The following CEP104 variants were observed in gnomAD, a reference collection of about 807,000 sequenced individuals.
CEP104 encodes centrosomal protein of 104 kDa.
A neutral mutation model predicts 113.3 loss-of-function variants in CEP104; 84 were observed. The observed-to-expected ratio is 0.74, with a 90% CI of 0.62 to 0.89. The LOEUF is 0.89. Ranked by LOEUF, CEP104 falls within the 40% of genes least tolerant of loss-of-function variation. CEP104 has a pLI of 0.00. For missense variants in CEP104, 1,053 were observed against 1,156.6 expected, an observed-to-expected ratio of 0.91 and a Z score of 1.30; for synonymous variants, 378 against 421.7, an observed-to-expected ratio of 0.90 and a Z score of 1.27.
At position 3,831,369 on chromosome 1, in the gene CEP104, C is replaced by T. The variant is rs535667095; in HGVS notation, c.1660-147G>A. 7 of 593,450 alleles carry T rather than the reference C, an allele frequency of 1.2e-5. No individual in the cohort carries two copies. In the South Asian group the frequency reaches 2.0e-4, roughly 17 times the overall value. The allele number at this position is 593,450 out of a possible 1,614,324, so 36.8% of individuals were successfully genotyped here. On this transcript the variant is annotated intron_variant, in intron 12 of 21. Coordinates refer to ENST00000378230, the MANE Select transcript of CEP104 (RefSeq NM_014704.4). ...GACAAGGAGCAATGAGAGCACTGAT[C>T]CGTAAGCTTGTATTTCTATTTAAAG...
chr1:3,832,987 CTTTT>C (rs70940330), intron 12 of CEP104, among the ~76,000 whole-genome samples: 2 of 140,228 alleles, frequency 1.4e-5, no homozygotes, highest in Non-Finnish European at 1.5e-5. Flanking sequence ...GGCCTGGATT[CTTTT>C]TTTTTTTTTT....
intron 11 of CEP104, 32 bp downstream of exon 11, chr1:3,834,893 C>A: frequency 1.3e-6 from 2 of 1,551,784 alleles, no homozygotes; most frequent in Non-Finnish European, 1.7e-6. Flanking sequence ...CATCCATGCA[C>A]GCTGGAGCCA....
chr1:3,852,210 G>A, intron 2 of CEP104, 85 bp downstream of exon 2: 1 of 1,302,342 alleles, frequency 7.7e-7, no homozygotes, highest in Non-Finnish European at 1.0e-6. Flanking sequence ...TAAAATCTGA[G>A]GCTCTGAATG....
intron 2 of CEP104, among the ~76,000 whole-genome samples, chr1:3,851,251 C>T (rs984033004): frequency 1.3e-5 from 2 of 152,156 alleles, no homozygotes; most frequent in African/African-American, 4.8e-5. Flanking sequence ...TCAGAACTCA[C>T]TTCCGGGAAA....
At chr1:3,822,307 G>A (rs1289313661) in intron 20 of CEP104, among the ~76,000 whole-genome samples, 1 of 152,210 alleles carries the variant, frequency 6.6e-6, no homozygotes, top group Admixed American at 6.5e-5. Context: ...CGCTGAGAGC[G>A]GCTGGGGGCT....
In CEP104 at chr1:3,833,856, T is replaced by G; in HGVS notation, c.1659+6A>C. On this transcript the variant is annotated splice_donor_region_variant and intron_variant, in intron 12 of 21. Transcript: ENST00000378230. ...ACGGTTTCAAATGCCGTGGTGAAGT[T>G]CAGACCTGAATAAAATTTGCAGCTG... The G allele has an allele frequency of 6.2e-7, 1 of 1,614,186 alleles. No individual in the cohort carries two copies. Among genetic ancestry groups the G allele is most frequent in the African/African-American group, 1.3e-5 (1 of 75,072 alleles).
chr1:3,840,990 T>C (rs1350296368), intron 6 of CEP104, among the ~76,000 whole-genome samples: 6 of 152,244 alleles, frequency 3.9e-5, no homozygotes, highest in Non-Finnish European at 8.8e-5. Flanking sequence ...TGTAGTCACC[T>C]GAATAGCTCA....
chr1:3,826,632 G>T (rs996472486), intron 16 of CEP104, 76 bp downstream of exon 16: 2 of 1,524,456 alleles, frequency 1.3e-6, no homozygotes, highest in Non-Finnish European at 1.8e-6. Flanking sequence ...CCCACATGGA[G>T]CTTCCATGAC....
intron 2 of CEP104, among the ~76,000 whole-genome samples, chr1:3,850,036 C>G (rs1290198404): frequency 2.6e-5 from 4 of 152,210 alleles, no homozygotes; most frequent in Non-Finnish European, 4.4e-5. Context: ...ACGTGCTGTA[C>G]AGGTTTGCAG....
At chr1:3,830,910 G>A (rs1047845839) in intron 13 of CEP104, 136 bp downstream of exon 13, 4 of 914,392 alleles carry the variant, frequency 4.4e-6, no homozygotes, top group East Asian at 2.7e-5. Context: ...CCATTTGTTG[G>A]ATGAAACACT....
chr1:3,849,779 C>A (rs1020916616), intron 2 of CEP104, among the ~76,000 whole-genome samples: 1 of 151,428 alleles, frequency 6.6e-6, no homozygotes, highest in South Asian at 2.1e-4. Flanking sequence ...TCATTCATGG[C>A]GAGATTATCT....
At chr1:3,840,515 G>A (rs777277120) in intron 6 of CEP104, among the ~76,000 whole-genome samples, 1 of 152,064 alleles carries the variant, frequency 6.6e-6, no homozygotes, top group Non-Finnish European at 1.5e-5. Flanking sequence ...TGGGATTATA[G>A]GCCTGAGCCA....
intron 17 of CEP104, among the ~76,000 whole-genome samples, chr1:3,826,075 T>G (rs1644084922): frequency 6.6e-6 from 1 of 152,136 alleles, no homozygotes; most frequent in Admixed American, 6.5e-5. Context: ...TGCCATGTGT[T>G]AAAGCACGAT....
intron 9 of CEP104, 23 bp from the exon 10 acceptor site, chr1:3,836,715 G>A (rs1203821590): frequency 6.2e-7 from 1 of 1,610,370 alleles, no homozygotes; most frequent in South Asian, 1.1e-5. Context: ...AAGGAGAGAG[G>A]AAAGTGCTGG....
intron 1 of CEP104, among the ~76,000 whole-genome samples, chr1:3,854,408 CA>C (rs1644672023): frequency 6.6e-6 from 1 of 152,192 alleles, no homozygotes; most frequent in Admixed American, 6.5e-5. Context: ...GAAGTCCAGC[CA>C]AACAATCAAA....
At chr1:3,827,748 G>T (rs186661765) in intron 15 of CEP104, among the ~76,000 whole-genome samples, 181 of 152,332 alleles carry the variant, frequency 1.2e-3, no homozygotes, top group African/African-American at 4.1e-3. Context: ...GCCCTGTGTG[G>T]GGCGCAGGTC....
At chr1:3,843,234 G>C (rs1570831497) in intron 6 of CEP104, 2 of 713,924 alleles carry the variant, frequency 2.8e-6, no homozygotes, top group East Asian at 5.4e-5. Flanking sequence ...CTGTCCCAAA[G>C]AGGTGCCCAG....
In CEP104 at chr1:3,829,852, T is replaced by C; in HGVS notation, c.1982A>G (p.Tyr661Cys). The C allele has an allele frequency of 1.2e-6, 2 of 1,614,194 alleles. No individual in the cohort carries two copies. The highest frequency in any genetic ancestry group is 8.5e-7 in the Non-Finnish European group (1 of 1,180,024). ...AGCAAATCCCTCAAAAATTGTTTTG[T>C]AGAGAATGTTCCTGCGTGTGTTGCT... is the stretch of plus-strand genomic sequence containing the variant. ...DDSNTRRNIL[Y>C]KTIFEGFAKI... is the part of the protein sequence containing the mutation. The change falls in exon 14 of 22, where the codon TAC (tyrosine) becomes TGC (cysteine). Residue 661 changes from tyrosine (Y) to cysteine (C), a missense_variant. By Grantham distance (194) the Tyr-to-Cys change is radical (BLOSUM62 -2). Coordinates refer to ENST00000378230, the MANE Select transcript of CEP104 (RefSeq NM_014704.4).
rs1327024452 is a variant in CEP104, at chr1:3,825,798, T to C, written c.2324A>G (p.Lys775Arg). The C allele has an allele frequency of 1.2e-6, 2 of 1,614,072 alleles. No individual in the cohort carries two copies. The highest frequency in any genetic ancestry group is 2.2e-5 in the South Asian group (2 of 91,084). Residue 775 changes from lysine to arginine, a missense_variant, in exon 18 of 22, where the codon AAG (lysine) becomes AGG (arginine). Physicochemically the swap from Lys to Arg is conservative, Grantham distance 26. Coordinates refer to ENST00000378230, the MANE Select transcript of CEP104 (RefSeq NM_014704.4). Reference sequence around the variant, plus strand: ...ACATCTTGTCAGCATGAGACAGTGCTTCCAGTAGTGGAGATCCAGACCTTC... The same window carrying C: ...ACATCTTGTCAGCATGAGACAGTGCCTCCAGTAGTGGAGATCCAGACCTTC... ...TEEGLDLHYWKHCLMLTRCDH... is the reference protein window; with the variant it reads ...TEEGLDLHYWRHCLMLTRCDH...
Sources: gnomAD v4.1 joint callset for allele counts (sites outside exome capture counted in the v4.1 genomes callset) on GRCh38, gnomAD v4.1.1 for gene constraint, MANE v1.5 for transcripts, NCBI Gene and HGNC (gene_info 2026-07-23, HGNC 2026-07-21) for gene names.